The following ATOSA variants were observed in gnomAD, a reference collection of about 807,000 sequenced individuals.
The protein encoded by ATOSA is atos homolog A, also known as atos homolog protein A.
chr15:52,663,063 T>G, the ATOSA span, among the ~76,000 whole-genome samples: 1 of 152,194 alleles, frequency 6.6e-6, no homozygotes, highest in Non-Finnish European at 1.5e-5. Context: ...TTTAAAACTC[T>G]AATCTCTCCC....
the ATOSA span, among the ~76,000 whole-genome samples, chr15:52,627,682 A>AT: frequency 3.6e-3 from 529 of 146,644 alleles, 4 homozygotes; most frequent in African/African-American, 8.6e-3. Context: ...ATGCTTATGC[A>AT]TTTTTTTTTT....
At chr15:52,582,495 T>TA in the ATOSA span, among the ~76,000 whole-genome samples, 1 of 152,256 alleles carries the variant, frequency 6.6e-6, no homozygotes, top group Non-Finnish European at 1.5e-5. Context: ...GCTGCTCTCT[T>TA]ACCATTCCCT....
the ATOSA span, chr15:52,598,712 G>A: frequency 1.3e-5 from 2 of 151,974 alleles, no homozygotes; most frequent in Admixed American, 6.6e-5. Flanking sequence ...GAAAAAAACT[G>A]TGTACTGATC....
chr15:52,582,406 C>T, the ATOSA span: 2 of 1,016,394 alleles, frequency 2.0e-6, no homozygotes, highest in Admixed American at 6.9e-5. Flanking sequence ...AATCTTGCTA[C>T]AATATTAGGT....
chr15:52,628,052 G>GGAAA, the ATOSA span, among the ~76,000 whole-genome samples: 2 of 152,088 alleles, frequency 1.3e-5, no homozygotes, highest in African/African-American at 4.8e-5. Context: ...TGGAAATGAA[G>GGAAA]GAAAGAAAGG....
the ATOSA span, among the ~76,000 whole-genome samples, chr15:52,682,011 G>C: frequency 6.6e-6 from 1 of 152,174 alleles, no homozygotes; most frequent in Admixed American, 6.5e-5. Context: ...CTAGCACTTA[G>C]TAAAGAACTG....
At chr15:52,620,408 TGAA>T in the ATOSA span, among the ~76,000 whole-genome samples, 1 of 152,160 alleles carries the variant, frequency 6.6e-6, no homozygotes, top group Admixed American at 6.5e-5. Flanking sequence ...GGAGCCCAGC[TGAA>T]GCACTACTCA....
the ATOSA span, among the ~76,000 whole-genome samples, chr15:52,654,611 G>C: frequency 6.6e-6 from 1 of 152,110 alleles, no homozygotes; most frequent in African/African-American, 2.4e-5. Context: ...CGTTAAGTAT[G>C]TTCTCTAAAT....
At chr15:52,594,374 A>T in the ATOSA span, among the ~76,000 whole-genome samples, 2 of 152,234 alleles carry the variant, frequency 1.3e-5, no homozygotes, top group Non-Finnish European at 2.9e-5. Flanking sequence ...AACTACTTTT[A>T]AAATTTAGTG....
At chr15:52,642,703 G>A in the ATOSA span, among the ~76,000 whole-genome samples, 1 of 152,150 alleles carries the variant, frequency 6.6e-6, no homozygotes, top group South Asian at 2.1e-4. Context: ...GTTAAAGTCT[G>A]ACTGCTATTT....
At chr15:52,609,351 A>G in the ATOSA span, 18 of 1,613,870 alleles carry the variant, frequency 1.1e-5, no homozygotes, top group African/African-American at 1.6e-4. Flanking sequence ...ATGAACTCCT[A>G]AACACTTTAG....
chr15:52,614,779 T>TG, the ATOSA span, among the ~76,000 whole-genome samples: 1 of 151,658 alleles, frequency 6.6e-6, no homozygotes, highest in African/African-American at 2.4e-5. Context: ...ACACGGGAGA[T>TG]GGAGGTTGCG....
At chr15:52,650,579 A>C in the ATOSA span, among the ~76,000 whole-genome samples, 1 of 152,236 alleles carries the variant, frequency 6.6e-6, no homozygotes, top group African/African-American at 2.4e-5. Context: ...GTTCTCTTTA[A>C]AGAAAAGAAA....
At chr15:52,703,963 T>C in the ATOSA span, among the ~76,000 whole-genome samples, 2 of 152,208 alleles carry the variant, frequency 1.3e-5, no homozygotes, top group South Asian at 4.1e-4. Context: ...TTCCAGGATA[T>C]ACTATTAAGA....
chr15:52,698,759 ATGT>A, the ATOSA span, among the ~76,000 whole-genome samples: 1 of 152,248 alleles, frequency 6.6e-6, no homozygotes, highest in Non-Finnish European at 1.5e-5. Flanking sequence ...GGTACAGAAA[ATGT>A]TGTATAATTT....
chr15:52,669,614 A>G, the ATOSA span, among the ~76,000 whole-genome samples: 1 of 152,260 alleles, frequency 6.6e-6, no homozygotes, highest in Non-Finnish European at 1.5e-5. Flanking sequence ...ATTCAGGAAT[A>G]TACATTTGGT....
the ATOSA span, chr15:52,593,642 A>C: frequency 1.3e-6 from 2 of 1,567,114 alleles, no homozygotes; most frequent in Non-Finnish European, 1.7e-6. Flanking sequence ...TGGAAGAGTC[A>C]AATGTGTGGG....
the ATOSA span, among the ~76,000 whole-genome samples, chr15:52,669,013 C>A: frequency 6.6e-6 from 1 of 151,680 alleles, no homozygotes; most frequent in African/African-American, 2.4e-5. Flanking sequence ...TCACGCCATT[C>A]TCCTGCCTCA....
the ATOSA span, among the ~76,000 whole-genome samples, chr15:52,583,382 C>T: frequency 8.2e-6 from 1 of 122,302 alleles, no homozygotes; most frequent in East Asian, 2.6e-4. Flanking sequence ...TCTGCTATTT[C>T]ATACCATGTC....
Sources: allele counts gnomAD v4.1 joint callset (sites outside exome capture counted in the v4.1 genomes callset), GRCh38; gene constraint gnomAD v4.1.1; transcripts MANE v1.5; gene names NCBI Gene and HGNC (gene_info 2026-07-23, HGNC 2026-07-21).